The following CCDC3 variants were observed in gnomAD, a reference collection of about 807,000 sequenced individuals.
CCDC3 encodes the protein coiled-coil domain-containing protein 3.
In CCDC3, 24 loss-of-function variants were observed where a neutral mutation model predicts 21.4. The ratio of observed to expected loss-of-function variants is 1.12; its 90% CI spans 0.81 to 1.58. The LOEUF (loss-of-function observed/expected upper bound fraction) is 1.58, where lower values mean the gene tolerates loss of function less well. CCDC3 is among the 40% of genes most tolerant of loss of function. The pLI is 0.00. For missense variants in CCDC3, 425 were observed against 360.9 expected, an observed-to-expected ratio of 1.18 and a Z score of -1.44; for synonymous variants, 186 against 166.0, an observed-to-expected ratio of 1.12 and a Z score of -0.93.
At chr10:12,930,302 CAA>C (rs1363597355) in intron 2 of CCDC3, among the ~76,000 whole-genome samples, 2 of 152,164 alleles carry the variant, frequency 1.3e-5, no homozygotes, top group African/African-American at 2.4e-5. Flanking sequence ...AAACGTGTCA[CAA>C]AAGCATTTGG....
intron 2 of CCDC3, among the ~76,000 whole-genome samples, chr10:12,947,421 T>A (rs1422290993): frequency 6.6e-6 from 1 of 152,196 alleles, no homozygotes; most frequent in Admixed American, 6.5e-5. Context: ...GTGCTGAGAT[T>A]ACAGGCGTGG....
At chr10:12,970,577 A>T (rs987769166) in intron 2 of CCDC3, among the ~76,000 whole-genome samples, 1 of 152,180 alleles carries the variant, frequency 6.6e-6, no homozygotes. Flanking sequence ...ACTTAATTAA[A>T]TAAATTAAAA....
intron 2 of CCDC3, among the ~76,000 whole-genome samples, chr10:12,978,675 G>A (rs1241419407): frequency 6.6e-6 from 1 of 152,134 alleles, no homozygotes; most frequent in Non-Finnish European, 1.5e-5. Flanking sequence ...CACCCAGGGA[G>A]CAAACCTAGT....
rs1189244533 is a variant in CCDC3, at chr10:12,897,326, C to T, written c.*1090G>A. The T allele has an allele frequency of 1.3e-5, 2 of 152,204 alleles. No homozygotes were observed. The highest frequency in any genetic ancestry group is 6.5e-5 in the Admixed American group (1 of 15,268). The allele number at this position is 152,204 out of a possible 1,614,324, so 9.4% of individuals were successfully genotyped here. A position where few individuals can be genotyped will look rare whatever the true frequency, so the allele number is the denominator to read the frequency against. On this transcript the variant is annotated 3_prime_UTR_variant, in exon 3 of 3. Transcript: ENST00000378825. Reference sequence around the variant, plus strand: ...AGTAGTGTCTTAAAAGTTTTATTTCCAGAAAGGTGAAGTGCTTTGGTGGTG... The same window carrying T: ...AGTAGTGTCTTAAAAGTTTTATTTCTAGAAAGGTGAAGTGCTTTGGTGGTG...
At chr10:13,074,802 C>A (rs1370484178) in intron 3 of CCDC3, among the ~76,000 whole-genome samples, 1 of 152,104 alleles carries the variant, frequency 6.6e-6, no homozygotes, top group Non-Finnish European at 1.5e-5. Context: ...CCTGTTATTC[C>A]ACAATATTAC....
chr10:12,900,971 T>C (rs1173302968), intron 2 of CCDC3, among the ~76,000 whole-genome samples: 1 of 152,124 alleles, frequency 6.6e-6, no homozygotes, highest in Non-Finnish European at 1.5e-5. Flanking sequence ...GCTGAGTCTC[T>C]CTCCGGAAAC....
intron 2 of CCDC3, among the ~76,000 whole-genome samples, chr10:12,963,725 G>A (rs1170965703): frequency 2.0e-5 from 3 of 151,856 alleles, no homozygotes; most frequent in Non-Finnish European, 4.4e-5. Context: ...GAATACAGGC[G>A]TGCACCACCC....
intron 2 of CCDC3, among the ~76,000 whole-genome samples, chr10:12,928,362 G>T (rs2131224228): frequency 6.6e-6 from 1 of 152,296 alleles, no homozygotes; most frequent in East Asian, 1.9e-4. Context: ...GAAAGAGAAA[G>T]CATGAGATGA....
intron 2 of CCDC3, among the ~76,000 whole-genome samples, chr10:12,937,344 G>C (rs555387630): frequency 3.7e-4 from 57 of 152,248 alleles, no homozygotes; most frequent in Admixed American, 3.3e-4. Context: ...TTCCTACGTA[G>C]AGCATTTCCT....
At chr10:12,994,355 A>G (rs963163449) in intron 2 of CCDC3, among the ~76,000 whole-genome samples, 2 of 151,538 alleles carry the variant, frequency 1.3e-5, no homozygotes, top group Non-Finnish European at 2.9e-5. Context: ...CCGAGATTGC[A>G]TCACTGCACT....
At chr10:13,037,198 G>A (rs1022139951) in intron 5 of CCDC3, among the ~76,000 whole-genome samples, 1 of 152,116 alleles carries the variant, frequency 6.6e-6, no homozygotes, top group African/African-American at 2.4e-5. Flanking sequence ...TAGCGTACAA[G>A]CCCTCAGCTT....
upstream of CCDC3, among the ~76,000 whole-genome samples, chr10:13,003,781 T>C (rs1835893991): frequency 1.3e-5 from 2 of 152,184 alleles, no homozygotes; most frequent in African/African-American, 4.8e-5. Context: ...TAAATAAAAA[T>C]CAGCAAACAT....
chr10:12,945,477 TG>T (rs1460341560), intron 2 of CCDC3, among the ~76,000 whole-genome samples: 1 of 151,996 alleles, frequency 6.6e-6, no homozygotes, highest in Non-Finnish European at 1.5e-5. Flanking sequence ...AGTAGAATCA[TG>T]GGAAAGGAAT....
intron 4 of CCDC3, among the ~76,000 whole-genome samples, chr10:13,059,697 C>T (rs1836730109): frequency 6.6e-6 from 1 of 152,070 alleles, no homozygotes; most frequent in African/African-American, 2.4e-5. Flanking sequence ...AAACTGACCA[C>T]GAAATGGGAG....
intron 2 of CCDC3, among the ~76,000 whole-genome samples, chr10:12,905,629 G>C (rs752220491): frequency 1.3e-5 from 2 of 152,168 alleles, no homozygotes; most frequent in Non-Finnish European, 2.9e-5. Context: ...AGGTCTCCAC[G>C]ATCCTTGTCA....
At chr10:12,975,299 A>T (rs189381636) in intron 2 of CCDC3, among the ~76,000 whole-genome samples, 2 of 151,788 alleles carry the variant, frequency 1.3e-5, no homozygotes, top group Admixed American at 1.3e-4. Flanking sequence ...CCACCCAGAC[A>T]CCCCCACTGC....
intron 3 of CCDC3, among the ~76,000 whole-genome samples, chr10:13,081,125 G>T (rs1018750711): frequency 5.0e-5 from 7 of 138,912 alleles, no homozygotes; most frequent in Admixed American, 1.5e-4. Context: ...TTTTAAAAAA[G>T]GAAATTTCTC....
At chr10:12,990,885 A>G (rs1364837243) in intron 2 of CCDC3, among the ~76,000 whole-genome samples, 1 of 152,224 alleles carries the variant, frequency 6.6e-6, no homozygotes, top group Non-Finnish European at 1.5e-5. Flanking sequence ...AAGTTCATTG[A>G]TAAGGTTTCA....
chr10:12,915,229 G>A (rs1208647571), intron 2 of CCDC3, among the ~76,000 whole-genome samples: 3 of 152,140 alleles, frequency 2.0e-5, no homozygotes, highest in Non-Finnish European at 2.9e-5. Flanking sequence ...TACTCAGTAG[G>A]ATTTCAGAAT....
Sources: gnomAD v4.1 joint callset for allele counts (sites outside exome capture counted in the v4.1 genomes callset) on GRCh38, gnomAD v4.1.1 for gene constraint, MANE v1.5 for transcripts, NCBI Gene and HGNC (gene_info 2026-07-23, HGNC 2026-07-21) for gene names.